The following NBAS variants were observed in gnomAD, a reference collection of about 807,000 sequenced individuals.
The protein encoded by NBAS is NBAS subunit of NRZ tethering complex, also known as NAG/BC035112 fusion.
A neutral mutation model predicts 302.5 loss-of-function variants in NBAS; 219 were observed. The observed-to-expected ratio is 0.72, with a 90% CI of 0.65 to 0.81. NBAS has a LOEUF of 0.81. NBAS is among the 30% of genes least tolerant of loss of function. NBAS has a pLI of 0.00. For synonymous variants in NBAS, 1,118 were observed against 1,021.6 expected (o/e 1.09, Z -1.80); for missense variants, 2,932 against 2,841.6 (o/e 1.03, Z -0.72).
intron 9 of NBAS, among the ~76,000 whole-genome samples, chr2:15,518,129 G>GAAA (rs5829507): frequency 8.9e-5 from 12 of 134,210 alleles, no homozygotes; most frequent in East Asian, 4.7e-4. Flanking sequence ...AAGTCTAGGG[G>GAAA]AAAAAAAAAA....
chr2:15,048,467 C>T, the NBAS span, among the ~76,000 whole-genome samples: 17 of 152,344 alleles, frequency 1.1e-4, no homozygotes, highest in East Asian at 3.9e-4. Flanking sequence ...GCCTTGTTTC[C>T]GGTCCCAGGA....
chr2:15,340,450 G>C (rs775687307), intron 35 of NBAS, among the ~76,000 whole-genome samples: 1 of 152,166 alleles, frequency 6.6e-6, no homozygotes, highest in African/African-American at 2.4e-5. Context: ...AGATGTGGTA[G>C]GTGGGGAGAG....
intron 32 of NBAS, among the ~76,000 whole-genome samples, chr2:15,364,592 G>A (rs1674103837): frequency 6.6e-6 from 1 of 152,120 alleles, no homozygotes; most frequent in Non-Finnish European, 1.5e-5. Context: ...CTGACTCCAG[G>A]AGACTTCAGC....
At chr2:15,090,532 C>A in the NBAS span, among the ~76,000 whole-genome samples, 1 of 152,196 alleles carries the variant, frequency 6.6e-6, no homozygotes, top group African/African-American at 2.4e-5. Context: ...TACCCCCAAA[C>A]CTCACTGTGG....
chr2:14,975,639 T>C, the NBAS span, among the ~76,000 whole-genome samples: 9 of 152,168 alleles, frequency 5.9e-5, no homozygotes, highest in African/African-American at 2.2e-4. Flanking sequence ...ACACTGTCAA[T>C]GCACTCCTTG....
chr2:14,828,065 C>T, the NBAS span, among the ~76,000 whole-genome samples: 7 of 152,276 alleles, frequency 4.6e-5, no homozygotes, highest in Non-Finnish European at 1.0e-4. Flanking sequence ...TTCATTTACT[C>T]ATTCAGCATA....
At chr2:15,415,768 A>C in intron 24 of NBAS, 49 bp from the exon 25 acceptor site, 1 of 1,595,688 alleles carries the variant, frequency 6.3e-7, no homozygotes, top group East Asian at 2.2e-5. Context: ...AAGTTAAACT[A>C]AATGCCTTAT....
chr2:15,536,509 A>AC lies in NBAS; in HGVS notation c.555dup (p.Leu186ValfsTer7). On this transcript the variant is annotated frameshift_variant, in exon 8 of 52. Transcript: ENST00000281513. LOFTEE classifies it high-confidence loss of function. ...CTTGCTTTATATTCTAAAAATATCA[A>AC]CCCAGCAATGGCATAGCTTAAGTCA... 1.2e-6 allele frequency: 2 copies of AC among 1,613,036 alleles called. No homozygotes were observed. Among genetic ancestry groups the AC allele is most frequent in the Non-Finnish European group, 1.7e-6 (2 of 1,179,732 alleles).
At chr2:14,971,424 A>C in the NBAS span, among the ~76,000 whole-genome samples, 1 of 152,188 alleles carries the variant, frequency 6.6e-6, no homozygotes, top group African/African-American at 2.4e-5. Flanking sequence ...CTGAGGCAGG[A>C]GAATCACTTG....
chr2:14,963,582 T>C, the NBAS span, among the ~76,000 whole-genome samples: 2 of 152,224 alleles, frequency 1.3e-5, no homozygotes, highest in African/African-American at 2.4e-5. Flanking sequence ...CCTGGAATTC[T>C]GGTGCATGCT....
chr2:14,982,243 C>T, the NBAS span, among the ~76,000 whole-genome samples: 4 of 152,170 alleles, frequency 2.6e-5, no homozygotes, highest in Non-Finnish European at 1.5e-5. Flanking sequence ...GAGCCGCCAT[C>T]ACTGTGCAGA....
the NBAS span, among the ~76,000 whole-genome samples, chr2:15,089,083 A>G: frequency 6.6e-6 from 1 of 152,160 alleles, no homozygotes; most frequent in Non-Finnish European, 1.5e-5. Context: ...CCTTCAAACT[A>G]GTAGTAGAAG....
At chr2:14,814,761 G>A in the NBAS span, among the ~76,000 whole-genome samples, 2 of 152,256 alleles carry the variant, frequency 1.3e-5, no homozygotes, top group Non-Finnish European at 2.9e-5. Flanking sequence ...TTTGCAATGT[G>A]AGCAGTACAT....
chr2:15,507,567 C>T (rs984785367), intron 10 of NBAS, among the ~76,000 whole-genome samples: 1 of 152,190 alleles, frequency 6.6e-6, no homozygotes, highest in East Asian at 1.9e-4. Flanking sequence ...ACTTCATTTA[C>T]ATCCTGGCAA....
At chr2:15,246,514 CA>C (rs1276781842) in intron 44 of NBAS, among the ~76,000 whole-genome samples, 1 of 152,222 alleles carries the variant, frequency 6.6e-6, no homozygotes, top group Non-Finnish European at 1.5e-5. Flanking sequence ...AATAAAATTA[CA>C]TGTTCTCAAC....
the NBAS span, among the ~76,000 whole-genome samples, chr2:15,001,353 A>G: frequency 1.3e-5 from 2 of 152,170 alleles, no homozygotes; most frequent in Non-Finnish European, 2.9e-5. Flanking sequence ...TTTTATATAT[A>G]TAACAAACAG....
At chr2:15,495,564 A>G (rs1191930442) in intron 11 of NBAS, among the ~76,000 whole-genome samples, 2 of 152,220 alleles carry the variant, frequency 1.3e-5, no homozygotes, top group African/African-American at 4.8e-5. Context: ...GTTAGAGATG[A>G]AAAATTGCAT....
chr2:14,805,551 T>A, the NBAS span, among the ~76,000 whole-genome samples: 7 of 152,308 alleles, frequency 4.6e-5, no homozygotes, highest in African/African-American at 1.4e-4. Context: ...AATGGATCTT[T>A]GTTTCTGTGT....
the NBAS span, among the ~76,000 whole-genome samples, chr2:15,021,880 C>G: frequency 6.6e-6 from 1 of 152,180 alleles, no homozygotes; most frequent in African/African-American, 2.4e-5. Flanking sequence ...GTCTAAGTCT[C>G]GGTTTAGTCA....
Sources: allele counts gnomAD v4.1 joint callset (sites outside exome capture counted in the v4.1 genomes callset), GRCh38; gene constraint gnomAD v4.1.1; transcripts MANE v1.5; gene names NCBI Gene and HGNC (gene_info 2026-07-23, HGNC 2026-07-21).